Variants in GAS7 observed in about 807,000 individuals in gnomAD.
GAS7 encodes growth arrest-specific protein 7.
A neutral mutation model predicts 71.1 loss-of-function variants in GAS7; 28 were observed. The ratio of observed to expected loss-of-function variants is 0.39; its 90% confidence interval spans 0.29 to 0.54. GAS7 has a LOEUF of 0.54. GAS7 is among the 20% of genes least tolerant of loss of function. The probability of loss-of-function intolerance (pLI) is 0.62; values close to 1 mark genes in which losing one functional copy is unlikely to be tolerated. For synonymous variants in GAS7, 258 were observed against 245.8 expected (o/e 1.05, Z -0.46); for missense variants, 436 against 627.8 (o/e 0.69, Z 3.27).
At chr17:10,122,708 C>T (rs999809152) in intron 1 of GAS7, among the ~76,000 whole-genome samples, 13 of 152,212 alleles carry the variant, frequency 8.5e-5, no homozygotes, top group African/African-American at 3.1e-4. Context: ...CAAAACACTA[C>T]CTCAGACAGT....
In GAS7 at chr17:9,917,191, C is replaced by A; in HGVS notation, c.*37G>T. ...GCCCCATGGTGGGAGCCCAGCCCCC[C>A]TCCCCAGCAGGACCCCCCGAAGCTG... On this transcript the variant is annotated 3_prime_UTR_variant, in exon 14 of 14. Coordinates refer to ENST00000432992, the MANE Select transcript of GAS7 (RefSeq NM_201433.2). 1 of 1,252,486 alleles carries A rather than the reference C, an allele frequency of 8.0e-7. No homozygotes were observed. The highest frequency in any genetic ancestry group is 1.2e-6 in the Non-Finnish European group (1 of 849,866). The allele number at this position is 1,252,486 out of a possible 1,614,324, so 77.6% of individuals were successfully genotyped here. A position where few individuals can be genotyped will look rare whatever the true frequency, so the allele number is the denominator to read the frequency against.
rs544647430 is a variant in GAS7 at position 10,150,553 on chromosome 17, T to C, written c.183+47655A>G. On this transcript the variant is annotated intron_variant, in intron 1 of 13. Coordinates refer to ENST00000432992, the MANE Select transcript of GAS7 (RefSeq NM_201433.2). ...TGAACACCTATGAGAGGCAGCAAAT[T>C]GGAGTCATCTGGACTCAGTAATGAG... is the stretch of plus-strand genomic sequence containing the variant. Among the ~76,000 whole-genome samples the C allele has an allele frequency of 2.6e-5, 4 of 151,202 alleles. No homozygotes were observed. In the South Asian group the frequency reaches 6.3e-4, roughly 24 times the overall value.
At chr17:9,975,775 T>C (rs927765662) in intron 3 of GAS7, among the ~76,000 whole-genome samples, 62 of 152,164 alleles carry the variant, frequency 4.1e-4, no homozygotes, top group African/African-American at 1.3e-3. Flanking sequence ...TGACATGCGC[T>C]TGAAATCTCA....
At chr17:10,163,619 A>G (rs1471950749) in intron 1 of GAS7, among the ~76,000 whole-genome samples, 1 of 152,146 alleles carries the variant, frequency 6.6e-6, no homozygotes, top group East Asian at 1.9e-4. Flanking sequence ...TCACTCCTGC[A>G]TCTTACCTCA....
chr17:10,112,774 A>C (rs1481127705), intron 1 of GAS7, among the ~76,000 whole-genome samples: 1 of 149,110 alleles, frequency 6.7e-6, no homozygotes, highest in Non-Finnish European at 1.5e-5. Flanking sequence ...AGAAAGAAAG[A>C]AAGAGAGAAA....
chr17:10,045,544 A>T (rs890390727), intron 1 of GAS7, among the ~76,000 whole-genome samples: 2 of 152,174 alleles, frequency 1.3e-5, no homozygotes, highest in African/African-American at 2.4e-5. Context: ...TAAAAATATA[A>T]AAATTAGCTG....
At chr17:10,033,215 C>T (rs2152221524) in intron 1 of GAS7, among the ~76,000 whole-genome samples, 1 of 152,238 alleles carries the variant, frequency 6.6e-6, no homozygotes, top group South Asian at 2.1e-4. Flanking sequence ...ACCTAACAGA[C>T]TCCCTAGGGA....
intron 1 of GAS7, among the ~76,000 whole-genome samples, chr17:10,191,968 A>C (rs1340006566): frequency 1.3e-5 from 2 of 152,146 alleles, no homozygotes; most frequent in African/African-American, 4.8e-5. Context: ...AACCAGCTCC[A>C]AGCTCAAGAA....
chr17:10,007,652 AAC>A (rs2071594854), intron 2 of GAS7, among the ~76,000 whole-genome samples: 2 of 144,966 alleles, frequency 1.4e-5, no homozygotes, highest in African/African-American at 2.6e-5. Context: ...AAAAAAAAAG[AAC>A]AGTTTCTAAA....
chr17:9,990,193 C>T (rs2070787439), intron 2 of GAS7, among the ~76,000 whole-genome samples: 1 of 152,038 alleles, frequency 6.6e-6, no homozygotes, highest in Non-Finnish European at 1.5e-5. Flanking sequence ...GGCATGAACC[C>T]GGGAGGCAGA....
intron 1 of GAS7, among the ~76,000 whole-genome samples, chr17:10,077,091 C>T (rs1038787962): frequency 2.0e-5 from 3 of 152,172 alleles, no homozygotes; most frequent in African/African-American, 7.2e-5. Flanking sequence ...CCCATGTACA[C>T]ATAAAACTAA....
rs531425583 is a variant in GAS7, at chr17:9,973,901, G to A, written c.386-4139C>T. Among the ~76,000 whole-genome samples, 138 of 152,286 alleles carry A rather than the reference G, an allele frequency of 9.1e-4. 1 individual carries two copies. The highest frequency in any genetic ancestry group is 1.4e-3 in the Non-Finnish European group (95 of 68,022). On this transcript the variant is annotated intron_variant, in intron 3 of 13. Transcript: ENST00000432992. ...AAATGCACAAGTTTTTATCTGAGTAGGTAATAAATCTCTATCTTTGATAAT... is the reference window on the plus strand; with the variant it reads ...AAATGCACAAGTTTTTATCTGAGTAAGTAATAAATCTCTATCTTTGATAAT...
At chr17:9,956,463 G>A (rs1054201568) in intron 5 of GAS7, among the ~76,000 whole-genome samples, 4 of 152,080 alleles carry the variant, frequency 2.6e-5, no homozygotes, top group Non-Finnish European at 5.9e-5. Flanking sequence ...TGGCCGGGTG[G>A]CTTTGCTGTC....
At chr17:10,159,388 T>C (rs1442560966) in intron 1 of GAS7, among the ~76,000 whole-genome samples, 2 of 151,994 alleles carry the variant, frequency 1.3e-5, no homozygotes, top group Admixed American at 6.6e-5. Context: ...TTCATAATAG[T>C]ATGAAAGAAC....
At chr17:10,066,406 C>A (rs896598962) in intron 1 of GAS7, among the ~76,000 whole-genome samples, 3 of 152,194 alleles carry the variant, frequency 2.0e-5, no homozygotes, top group African/African-American at 7.2e-5. Context: ...TCTCAAACTC[C>A]CGACCTCAGG....
At chr17:10,032,556 G>A (rs1331410655) in intron 1 of GAS7, among the ~76,000 whole-genome samples, 1 of 152,210 alleles carries the variant, frequency 6.6e-6, no homozygotes, top group Non-Finnish European at 1.5e-5. Context: ...GAAATGGGGG[G>A]ATTGCTAGCC....
intron 2 of GAS7, among the ~76,000 whole-genome samples, chr17:10,005,293 A>G (rs2071479279): frequency 6.6e-6 from 1 of 150,518 alleles, no homozygotes; most frequent in South Asian, 2.1e-4. Flanking sequence ...ACATGCATAC[A>G]TGTATATACA....
At chr17:10,008,329 A>G (rs1404750616) in intron 2 of GAS7, among the ~76,000 whole-genome samples, 1 of 152,184 alleles carries the variant, frequency 6.6e-6, no homozygotes, top group African/African-American at 2.4e-5. Context: ...TTCCACTTCC[A>G]TATCTGAACC....
chr17:10,137,555 TTG>T (rs2074048569), intron 1 of GAS7, among the ~76,000 whole-genome samples: 1 of 151,832 alleles, frequency 6.6e-6, no homozygotes, highest in South Asian at 2.1e-4. Context: ...TTTTTTTTTT[TTG>T]AGACAGAGTT....
Sources: allele counts gnomAD v4.1 joint callset (sites outside exome capture counted in the v4.1 genomes callset), GRCh38; gene constraint gnomAD v4.1.1; transcripts MANE v1.5; gene names NCBI Gene and HGNC (gene_info 2026-07-23, HGNC 2026-07-21).